TK2: variants seen among roughly 807,000 people sequenced by gnomAD.
TK2 encodes thymidine kinase 2, mitochondrial.
A neutral mutation model predicts 41.9 loss-of-function variants in TK2; 35 were observed. The observed-to-expected ratio is 0.84, with a 90% CI of 0.64 to 1.11. The LOEUF (loss-of-function observed/expected upper bound fraction) is 1.11, where lower values mean the gene tolerates loss of function less well. Ranked by LOEUF, TK2 falls within the 50% of genes least tolerant of loss-of-function variation. TK2 has a pLI of 0.00. For missense variants in TK2, 320 were observed against 351.1 expected, an observed-to-expected ratio of 0.91 and a Z score of 0.71; for synonymous variants, 128 against 129.1, an observed-to-expected ratio of 0.99 and a Z score of 0.06.
At position 66,550,072 on chromosome 16, in the gene TK2, G is replaced by C. The variant is rs1300982455; in HGVS notation, c.-11C>G. 1.3e-6 allele frequency: 2 copies of C among 1,593,660 alleles called. No homozygotes were observed. Among genetic ancestry groups the C allele is most frequent in the South Asian group, 1.1e-5 (1 of 88,298 alleles). On this transcript the variant is annotated 5_prime_UTR_variant, in exon 1 of 10. Transcript: ENST00000544898. The stretch of plus-strand genomic sequence containing the variant: ...CGGCCACAGCAGCATAGCCGGGCGA[G>C]CGGATCCAGAGGCCCGGGGTTCCTT...
intron 8 of TK2, among the ~76,000 whole-genome samples, chr16:66,516,521 C>G (rs1213691202): frequency 6.6e-6 from 1 of 152,108 alleles, no homozygotes; most frequent in Non-Finnish European, 1.5e-5. Flanking sequence ...GAAATATCAG[C>G]CGGGCGGCAG....
intron 1 of TK2, 177 bp from the exon 2 acceptor site, chr16:66,549,186 C>T: frequency 1.4e-6 from 2 of 1,466,570 alleles, no homozygotes; most frequent in East Asian, 2.4e-5. Context: ...GCCGATGTGC[C>T]ACCCTGGGCT....
chr16:66,524,632 C>T (rs1348515720), intron 6 of TK2, among the ~76,000 whole-genome samples: 2 of 152,172 alleles, frequency 1.3e-5, no homozygotes, highest in African/African-American at 4.8e-5. Flanking sequence ...GCCACTACAC[C>T]CGGCCCTGCC....
chr16:66,541,794 T>C, intron 3 of TK2, 85 bp downstream of exon 3: 5 of 1,388,830 alleles, frequency 3.6e-6, no homozygotes, highest in Non-Finnish European at 5.1e-6. Flanking sequence ...ATTATAGTCC[T>C]ATTGGACAAG....
chr16:66,531,369 C>A lies in TK2; in HGVS notation c.375+11G>T. The A allele has an allele frequency of 6.2e-7, 1 of 1,614,022 alleles. No individual in the cohort carries two copies. Among genetic ancestry groups the A allele is most frequent in the Non-Finnish European group, 8.5e-7 (1 of 1,179,848 alleles). ...GTTTAAGAAGGCTGAAACTGAGCAT[C>A]TGAAACCTACCTGAGGACGAGTATG... On this transcript the variant is annotated intron_variant, in intron 5 of 9. Coordinates refer to ENST00000544898, the MANE Select transcript of TK2 (RefSeq NM_004614.5).
At chr16:66,538,465 C>T (rs914777670) in intron 3 of TK2, among the ~76,000 whole-genome samples, 6 of 152,138 alleles carry the variant, frequency 3.9e-5, no homozygotes, top group Non-Finnish European at 7.3e-5. Context: ...TCACAGGCAG[C>T]CTTGCTCCCC....
rs570834999 is a variant in TK2, at chr16:66,517,309, G to C, written c.539-94C>G. ...CAAAGGCGGGAGGAAGGTCTGCACA[G>C]CTCGAGCAGGAAGCAGGGAGGGCCA... On this transcript the variant is annotated intron_variant, in intron 7 of 9. Coordinates refer to ENST00000544898, the MANE Select transcript of TK2 (RefSeq NM_004614.5). The surrounding 1 kb of genome is among the most constrained non-coding windows in gnomAD (Gnocchi z 4.3). 5.2e-5 allele frequency: 55 copies of C among 1,056,850 alleles called. No homozygotes were observed. In the African/African-American group the frequency reaches 7.5e-4, roughly 14 times the overall value. The allele number at this position is 1,056,850 out of a possible 1,614,324, so 65.5% of individuals were successfully genotyped here.
rs146652265 is a variant in TK2, at chr16:66,532,000, T to C, written c.286-531A>G. 9.1e-4 allele frequency among the ~76,000 whole-genome samples: 139 copies of C among 152,054 alleles called. 1 individual carries two copies. Among genetic ancestry groups the C allele is most frequent in the African/African-American group, 3.2e-3 (134 of 41,466 alleles). ...AGGGGGCAAAGGTTGAAAAAGTACC[T>C]ATTGGGTACTATGCTCAGTACCTAG... On this transcript the variant is annotated intron_variant, in intron 4 of 9. Transcript: ENST00000544898.
At chr16:66,531,253 C>T in intron 5 of TK2, 127 bp downstream of exon 5, 1 of 914,234 alleles carries the variant, frequency 1.1e-6, no homozygotes, top group Non-Finnish European at 1.8e-6. Flanking sequence ...TGGCCCCACA[C>T]AGAGAGGCCT....
At chr16:66,549,414 T>A in intron 1 of TK2, 1 of 1,086,806 alleles carries the variant, frequency 9.2e-7, no homozygotes. Context: ...AGGGCGGGCA[T>A]CGCTGCCCAT....
intron 2 of TK2, chr16:66,547,862 T>A (rs544203415): frequency 8.2e-7 from 1 of 1,225,528 alleles, no homozygotes; most frequent in East Asian, 5.8e-5. Flanking sequence ...GAACTAGCTA[T>A]TGTGTGTCTG....
chr16:66,537,102 G>A (rs1965309057), intron 3 of TK2, 85 bp from the exon 4 acceptor site: 24 of 1,572,900 alleles, frequency 1.5e-5, no homozygotes, highest in Non-Finnish European at 1.8e-5. Flanking sequence ...AAAGTGAGGA[G>A]AGAAGGGAAA....
At position 66,517,276 on chromosome 16, in the gene TK2, C is replaced by T; in HGVS notation, c.539-61G>A. 2.1e-6 allele frequency: 3 copies of T among 1,449,186 alleles called. No homozygotes were observed. In the Admixed American group the frequency reaches 5.0e-5, roughly 24 times the overall value. The allele number at this position is 1,449,186 out of a possible 1,614,324, so 89.8% of individuals were successfully genotyped here. A position where few individuals can be genotyped will look rare whatever the true frequency, so the allele number is the denominator to read the frequency against. On this transcript the variant is annotated intron_variant, in intron 7 of 9. Transcript: ENST00000544898. This position sits in a 1 kb window ranked among gnomAD's most constrained non-coding sequence, Gnocchi z 4.3. ...GCTCATGGCTTGGAAGCAAAGCAGG[C>T]ACACAGGCAAAGGCGGGAGGAAGGT...
At chr16:66,526,051 A>T (rs1954111251) in intron 6 of TK2, among the ~76,000 whole-genome samples, 1 of 152,234 alleles carries the variant, frequency 6.6e-6, no homozygotes, top group South Asian at 2.1e-4. Context: ...GTGGTGATGC[A>T]GGACCATGGG....
At chr16:66,536,610 T>TG (rs1018822462) in intron 4 of TK2, among the ~76,000 whole-genome samples, 6 of 152,002 alleles carry the variant, frequency 3.9e-5, no homozygotes, top group Non-Finnish European at 1.5e-5. Context: ...AGATAGGTCC[T>TG]GGGGGGGTTA....
At chr16:66,529,118 C>T (rs931492801) in intron 5 of TK2, 51 bp from the exon 6 acceptor site, 1 of 1,565,934 alleles carries the variant, frequency 6.4e-7, no homozygotes, top group Non-Finnish European at 8.8e-7. Context: ...AGGAGACAGC[C>T]AGGAGGCCTT....
intron 6 of TK2, among the ~76,000 whole-genome samples, chr16:66,524,107 T>C (rs891828223): frequency 3.3e-5 from 5 of 152,048 alleles, no homozygotes; most frequent in African/African-American, 1.2e-4. Context: ...AAGCAACAAA[T>C]GTGAAATTAA....
chr16:66,548,582 C>A (rs995351713), intron 2 of TK2: 5 of 248,002 alleles, frequency 2.0e-5, no homozygotes, highest in African/African-American at 4.5e-5. Context: ...CCCCTGCCCA[C>A]CCACCAGTCT....
intron 8 of TK2, among the ~76,000 whole-genome samples, chr16:66,515,564 A>G (rs1489499488): frequency 6.6e-6 from 1 of 152,234 alleles, no homozygotes; most frequent in Non-Finnish European, 1.5e-5. Context: ...TCAACTCTGC[A>G]GCAGCCTTTA....
Sources: allele counts gnomAD v4.1 joint callset (sites outside exome capture counted in the v4.1 genomes callset), GRCh38; gene constraint gnomAD v4.1.1; non-coding constraint Gnocchi (gnomAD v3.1); transcripts MANE v1.5; gene names NCBI Gene and HGNC (gene_info 2026-07-23, HGNC 2026-07-21).